The following CSMD1 variants were observed in gnomAD, a reference collection of about 807,000 sequenced individuals.
The protein encoded by CSMD1 is CUB and Sushi multiple domains 1.
CSMD1 carries 213 observed loss-of-function variants against 417.5 expected under a neutral mutation model. The observed-to-expected ratio is 0.51, with a 90% CI of 0.46 to 0.57. The LOEUF is 0.57. Among genes scored for constraint, CSMD1 ranks in the 20% least tolerant of loss-of-function variants. CSMD1 has a pLI of 0.00. For missense variants in CSMD1, 6,923 were observed against 4,529.7 expected, an observed-to-expected ratio of 1.53 and a Z score of -15.17; for synonymous variants, 2,862 against 1,736.8, an observed-to-expected ratio of 1.65 and a Z score of -16.11.
intron 20 of CSMD1, among the ~76,000 whole-genome samples, chr8:3,362,080 A>C (rs534200764): frequency 1.3e-5 from 2 of 151,990 alleles, no homozygotes; most frequent in Non-Finnish European, 2.9e-5. Flanking sequence ...TTCCCCCTTC[A>C]TCAATTCTCT....
chr8:4,984,489 T>C (rs910745168), intron 1 of CSMD1, among the ~76,000 whole-genome samples: 1 of 152,188 alleles, frequency 6.6e-6, no homozygotes, highest in African/African-American at 2.4e-5. Context: ...CTGCTTGACG[T>C]TTCAACTGGC....
intron 3 of CSMD1, among the ~76,000 whole-genome samples, chr8:4,181,784 AT>A (rs2131178614): frequency 6.6e-6 from 1 of 152,340 alleles, no homozygotes; most frequent in Non-Finnish European, 1.5e-5. Flanking sequence ...CGTATTAACG[AT>A]TTAGGTGACT....
chr8:4,934,696 T>C (rs919605466), intron 1 of CSMD1, among the ~76,000 whole-genome samples: 2 of 152,192 alleles, frequency 1.3e-5, no homozygotes, highest in Non-Finnish European at 2.9e-5. Flanking sequence ...ACTTATAATC[T>C]ATAATCTATC....
At chr8:3,974,331 C>T (rs1813277151) in intron 5 of CSMD1, among the ~76,000 whole-genome samples, 1 of 151,468 alleles carries the variant, frequency 6.6e-6, no homozygotes, top group South Asian at 2.1e-4. Context: ...CCCTTAAGCA[C>T]TGTTTGAGTA....
intron 41 of CSMD1, among the ~76,000 whole-genome samples, chr8:3,138,551 G>C (rs1345309518): frequency 6.6e-6 from 1 of 152,212 alleles, no homozygotes; most frequent in Non-Finnish European, 1.5e-5. Flanking sequence ...CAGAATTCAA[G>C]CTTCTGAATG....
intron 5 of CSMD1, among the ~76,000 whole-genome samples, chr8:3,880,284 A>G (rs1290457270): frequency 6.6e-6 from 1 of 152,150 alleles, no homozygotes; most frequent in Admixed American, 6.5e-5. Flanking sequence ...CTTGCTCTAC[A>G]TGCTGATATT....
intron 21 of CSMD1, among the ~76,000 whole-genome samples, chr8:3,355,307 A>G (rs1808708569): frequency 6.6e-6 from 1 of 152,220 alleles, no homozygotes. Flanking sequence ...AAATGATGTC[A>G]TAGATGCAAT....
chr8:3,104,776 C>T (rs142212358), intron 46 of CSMD1, among the ~76,000 whole-genome samples: 3 of 148,804 alleles, frequency 2.0e-5, no homozygotes, highest in African/African-American at 5.0e-5. Context: ...GGCAAGATCT[C>T]GGCTCACTGC....
At chr8:4,130,232 A>C (rs570766792) in intron 3 of CSMD1, among the ~76,000 whole-genome samples, 105 of 152,154 alleles carry the variant, frequency 6.9e-4, no homozygotes, top group African/African-American at 2.5e-3. Flanking sequence ...TTGTCAGTCT[A>C]GTATGTAAGT....
intron 2 of CSMD1, among the ~76,000 whole-genome samples, chr8:4,623,070 G>A (rs1801873230): frequency 1.3e-5 from 2 of 152,028 alleles, no homozygotes; most frequent in South Asian, 2.1e-4. Context: ...AAATGTTGGT[G>A]GAAGGAATTA....
chr8:4,306,351 T>C (rs1798245614), intron 3 of CSMD1, among the ~76,000 whole-genome samples: 1 of 152,180 alleles, frequency 6.6e-6, no homozygotes, highest in African/African-American at 2.4e-5. Flanking sequence ...CTCCTTTATG[T>C]GACTAATCAA....
At chr8:3,424,316 C>T (rs1053230249) in intron 12 of CSMD1, among the ~76,000 whole-genome samples, 1 of 152,138 alleles carries the variant, frequency 6.6e-6, no homozygotes, top group African/African-American at 2.4e-5. Flanking sequence ...ATTTTGAGTA[C>T]AATCTGACTT....
rs1227505167 is a variant in CSMD1 at position 4,402,343 on chromosome 8, C to T, written c.415+17610G>A. 2.0e-5 allele frequency among the ~76,000 whole-genome samples: 3 copies of T among 152,166 alleles called. No homozygotes were observed. In the East Asian group the frequency reaches 5.8e-4, roughly 29 times the overall value. On this transcript the variant is annotated intron_variant, in intron 3 of 69. Coordinates refer to ENST00000635120, the MANE Select transcript of CSMD1 (RefSeq NM_033225.6). The stretch of plus-strand genomic sequence containing the variant: ...AAATCTATACTTCATCATCACACTC[C>T]TTCCCCTGACTGCACCCTCAATTCC...
intron 3 of CSMD1, among the ~76,000 whole-genome samples, chr8:4,312,577 A>G (rs1798690648): frequency 6.6e-6 from 1 of 151,688 alleles, no homozygotes; most frequent in South Asian, 2.1e-4. Flanking sequence ...TATGAGCAAC[A>G]GATGTATTAA....
At chr8:3,770,926 G>C (rs1396286163) in intron 5 of CSMD1, among the ~76,000 whole-genome samples, 1 of 152,062 alleles carries the variant, frequency 6.6e-6, no homozygotes, top group Non-Finnish European at 1.5e-5. Context: ...CAGATAGCTT[G>C]GTGAATCTCC....
At chr8:3,847,551 A>G (rs1385557486) in intron 5 of CSMD1, among the ~76,000 whole-genome samples, 5 of 152,142 alleles carry the variant, frequency 3.3e-5, no homozygotes, top group Non-Finnish European at 5.9e-5. Flanking sequence ...AGACTGAAGG[A>G]GTCCTTGACT....
In CSMD1 at chr8:4,033,689, C is replaced by G. The variant is rs138128865; in HGVS notation, c.416-1590G>C. On this transcript the variant is annotated intron_variant, in intron 3 of 69. Transcript: ENST00000635120. Reference sequence around the variant, plus strand: ...GACTCGTATTTGGCTCAGAATAAATCTCTTCAAATATTTTACACAGTTTGA... The same window carrying G: ...GACTCGTATTTGGCTCAGAATAAATGTCTTCAAATATTTTACACAGTTTGA... 9.8e-3 allele frequency among the ~76,000 whole-genome samples: 1,486 copies of G among 152,300 alleles called. 14 individuals carry two copies. The highest frequency in any genetic ancestry group is 0.034 in the African/African-American group (1,419 of 41,566).
intron 54 of CSMD1, among the ~76,000 whole-genome samples, chr8:2,991,651 T>C (rs1806398108): frequency 6.6e-6 from 1 of 152,060 alleles, no homozygotes; most frequent in Non-Finnish European, 1.5e-5. Context: ...AAACATACCC[T>C]TTTTAAAAAA....
At chr8:3,778,353 C>G (rs1799004314) in intron 5 of CSMD1, among the ~76,000 whole-genome samples, 1 of 152,212 alleles carries the variant, frequency 6.6e-6, no homozygotes, top group Admixed American at 6.5e-5. Flanking sequence ...TAATCACCAG[C>G]TGTCTGGAAT....
Sources: allele counts gnomAD v4.1 joint callset (sites outside exome capture counted in the v4.1 genomes callset), GRCh38; gene constraint gnomAD v4.1.1; transcripts MANE v1.5; gene names NCBI Gene and HGNC (gene_info 2026-07-23, HGNC 2026-07-21).